Variants in PARP10 observed in about 807,000 individuals in gnomAD.
PARP10 encodes protein mono-ADP-ribosyltransferase PARP10.
Under a neutral mutation model 82.4 loss-of-function variants are expected in PARP10, and 56 were observed. That is an observed-to-expected ratio of 0.68 (90% CI 0.55 to 0.85). The LOEUF (loss-of-function observed/expected upper bound fraction) is 0.85, where lower values mean the gene tolerates loss of function less well. Among genes scored for constraint, PARP10 ranks in the 40% least tolerant of loss-of-function variants. The pLI is 0.00. For synonymous variants in PARP10, 576 were observed against 601.1 expected (o/e 0.96, Z 0.61); for missense variants, 1,227 against 1,379.4 (o/e 0.89, Z 1.75).
chr8:143,998,963 G>A lies in PARP10; in HGVS notation c.-79-12525C>T, dbSNP rs962972822. Among the ~76,000 whole-genome samples the A allele has an allele frequency of 4.2e-5, 6 of 144,330 alleles. No homozygotes were observed. The South Asian group carries it at 9.0e-4, about 22-fold the overall frequency. 94.7% of individuals were successfully genotyped at this position (144,330 alleles called of 152,430 possible). ...AGACCCTGTTTAAAAAAAAAAAAAA[G>A]AATCAAATCAAGCTTTTCTTTAATT... is the stretch of plus-strand genomic sequence containing the variant. On this transcript the variant is annotated intron_variant, in intron 1 of 3. Coordinates refer to the PARP10 transcript ENST00000530478.
intron 1 of PARP10, among the ~76,000 whole-genome samples, chr8:143,999,096 C>T (rs1408649441): frequency 1.3e-5 from 2 of 151,716 alleles, no homozygotes; most frequent in African/African-American, 4.9e-5. Flanking sequence ...TGCTGGAGTA[C>T]AGCGGCACAG....
chr8:143,991,057 G>T, upstream of PARP10: 1 of 501,038 alleles, frequency 2.0e-6, no homozygotes, highest in East Asian at 3.4e-5. Context: ...CCAGGCTCCG[G>T]GGCTCCCCAC....
rs1295182943 is a variant in PARP10 at position 143,982,980 on chromosome 8, G to C, written c.2508C>G (p.Ala836=). The change falls in exon 9 of 11, where the codon GCC becomes GCG. Residue 836 remains alanine, a synonymous_variant. Transcript: ENST00000313028. ...NTGEFQEVVR[A]FYDTLDAARS... The stretch of plus-strand genomic sequence containing the variant: ...GGGCAGCGTCCAGGGTGTCGTAGAA[G>C]GCCCGCACCACCTCCTGGAACTCCC... The C allele has an allele frequency of 6.2e-7, 1 of 1,613,860 alleles. No individual in the cohort carries two copies. Among genetic ancestry groups the C allele is most frequent in the Non-Finnish European group, 8.5e-7 (1 of 1,180,022 alleles).
upstream of PARP10, among the ~76,000 whole-genome samples, chr8:143,994,573 C>T (rs1362447568): frequency 2.0e-5 from 3 of 152,234 alleles, no homozygotes; most frequent in Non-Finnish European, 4.4e-5. Context: ...TGCCTCTCAG[C>T]CGGGGGCCCT....
rs1833957842 is a variant in PARP10 at position 143,985,217 on chromosome 8, C to T, written c.785G>A (p.Gly262Glu). The T allele has an allele frequency of 6.2e-7, 1 of 1,614,008 alleles. No individual in the cohort carries two copies. The highest frequency in any genetic ancestry group is 1.3e-5 in the African/African-American group (1 of 74,928). Residue 262 changes from glycine to glutamate, a missense_variant, in exon 5 of 11, where the codon GGG becomes GAG. Coordinates refer to ENST00000313028, the MANE Select transcript of PARP10 (RefSeq NM_032789.5). ...PEELAENTSG[G>E]DHPSTQGPRA... is the part of the protein sequence containing the mutation. Reference sequence around the variant, plus strand: ...AGGCCCCTGGGTGGACGGGTGGTCCCCTCCACTGGTGTTCTCAGCCAGCTC... The same window carrying T: ...AGGCCCCTGGGTGGACGGGTGGTCCTCTCCACTGGTGTTCTCAGCCAGCTC...
chr8:143,983,474 G>T lies in PARP10; in HGVS notation c.2115C>A (p.Gly705=). The T allele has an allele frequency of 6.2e-7, 1 of 1,606,982 alleles. No homozygotes were observed. Among genetic ancestry groups the T allele is most frequent in the African/African-American group, 1.3e-5 (1 of 74,948 alleles). ...CCGAGTGCACCACCAGCTGGGCCTT[G>T]CCATCAGTCCCCCCATCTGGGGGCT... ...AEEPPDGGTD[G]KAQLVVHSAF... is the part of the protein sequence containing the mutation. Residue 705 remains glycine, a synonymous_variant, in exon 8 of 11, where the codon GGC becomes GGA. Transcript: ENST00000313028.
chr8:143,984,713 A>T lies in PARP10; in HGVS notation c.1289T>A (p.Val430Glu). 1.2e-6 allele frequency: 2 copies of T among 1,613,690 alleles called. No individual in the cohort carries two copies. The highest frequency in any genetic ancestry group is 2.2e-5 in the South Asian group (2 of 91,060). The change falls in exon 5 of 11, where the codon GTG becomes GAG. Residue 430 changes from valine to glutamate, a missense_variant. By Grantham distance (121) the Val-to-Glu change is moderately radical (BLOSUM62 -2). Transcript: ENST00000313028. Reference sequence around the variant, plus strand: ...TGCCAGCTTCACACATCCTGGGCTCACAGGCCCTGCCTTCTCCAGAGACCC... The same window carrying T: ...TGCCAGCTTCACACATCCTGGGCTCTCAGGCCCTGCCTTCTCCAGAGACCC... ...TMGSLEKAGP[V>E]SPGCVKLAGQ...
chr8:143,992,363 T>C, upstream of PARP10: 1 of 1,601,434 alleles, frequency 6.2e-7, no homozygotes, highest in Non-Finnish European at 8.5e-7. Context: ...GTCGTCATCT[T>C]CTCCATGCAG....
chr8:144,006,542 A>C lies in PARP10; in HGVS notation c.-80+5988T>G, dbSNP rs144327357. 2.6e-4 allele frequency among the ~76,000 whole-genome samples: 39 copies of C among 152,344 alleles called. 2 individuals carry two copies. In the East Asian group the frequency reaches 7.5e-3, roughly 29 times the overall value. ...AAGCGGAGTCTGAAGGAAGAGTAGG[A>C]ATTAACCAAAGTTTGGGGTCAGGGA... On this transcript the variant is annotated intron_variant, in intron 1 of 3. Coordinates refer to the PARP10 transcript ENST00000530478.
intron 1 of PARP10, among the ~76,000 whole-genome samples, chr8:144,004,438 G>A (rs945066392): frequency 5.9e-5 from 9 of 152,168 alleles, no homozygotes; most frequent in Non-Finnish European, 1.2e-4. Flanking sequence ...CCTACCAGAT[G>A]TCCTCTGACC....
At chr8:143,994,397 A>G (rs1176554207), upstream of PARP10, among the ~76,000 whole-genome samples, 1 of 151,694 alleles carries the variant, frequency 6.6e-6, no homozygotes, top group Non-Finnish European at 1.5e-5. Flanking sequence ...GCCCTCCACC[A>G]GGACCCTAGC....
At chr8:143,981,257 A>G (rs901637054) in intron 9 of PARP10, among the ~76,000 whole-genome samples, 9 of 151,972 alleles carry the variant, frequency 5.9e-5, no homozygotes, top group Non-Finnish European at 5.9e-5. Flanking sequence ...TGACGGTGAC[A>G]GTGGTGATGC....
intron 9 of PARP10, among the ~76,000 whole-genome samples, chr8:143,978,529 T>C (rs1833772065): frequency 6.6e-6 from 1 of 152,026 alleles, no homozygotes; most frequent in Non-Finnish European, 1.5e-5. Context: ...CTTCAGAGAG[T>C]TGCAAAAGAA....
At chr8:144,010,019 T>C (rs782258599) in intron 1 of PARP10, among the ~76,000 whole-genome samples, 16 of 152,056 alleles carry the variant, frequency 1.1e-4, no homozygotes, top group Non-Finnish European at 1.6e-4. Context: ...TCAATCAAGA[T>C]CACAGCCACA....
chr8:144,003,236 A>G (rs1564261320), intron 1 of PARP10, among the ~76,000 whole-genome samples: 3 of 152,114 alleles, frequency 2.0e-5, no homozygotes, highest in African/African-American at 7.2e-5. Flanking sequence ...CAGCCTGGCC[A>G]ATAAGGTGAA....
upstream of PARP10, chr8:143,991,410 C>T (rs1275453029): frequency 6.3e-6 from 8 of 1,272,298 alleles, no homozygotes; most frequent in Admixed American, 1.4e-4. Flanking sequence ...TGGCCCCAGC[C>T]CCTACCCCCA....
intron 9 of PARP10, among the ~76,000 whole-genome samples, chr8:143,979,216 G>T (rs1343483421): frequency 6.6e-6 from 1 of 151,614 alleles, no homozygotes; most frequent in African/African-American, 2.4e-5. Context: ...CTCGTGATCC[G>T]CCCGCCTCAG....
At position 143,977,693 on chromosome 8, in the gene PARP10, G is replaced by C. The variant is rs1206340082; in HGVS notation, c.2869C>G (p.Arg957Gly). 2 of 1,591,876 alleles carry C rather than the reference G, an allele frequency of 1.3e-6. No individual in the cohort carries two copies. The highest frequency in any genetic ancestry group is 1.1e-5 in the South Asian group (1 of 88,268). ...AGAGGGGGCGCCCGCAGACCGCGGC[G>C]GCCCTGCCCGTAGTCGCCAGTCAGC... is the stretch of plus-strand genomic sequence containing the variant. ...RVLTGDYGQGRRGLRAPPLRG... is the reference protein window; with the variant it reads ...RVLTGDYGQGGRGLRAPPLRG... Residue 957 changes from arginine (R) to glycine (G), a missense_variant, in exon 11 of 11, where the codon CGC becomes GGC. By Grantham distance (125) the Arg-to-Gly change is moderately radical. Coordinates refer to ENST00000313028, the MANE Select transcript of PARP10 (RefSeq NM_032789.5).
chr8:143,982,623 G>A (rs187306694), intron 9 of PARP10, among the ~76,000 whole-genome samples: 162 of 152,274 alleles, frequency 1.1e-3, no homozygotes, highest in African/African-American at 3.6e-3. Flanking sequence ...TGGCATCACC[G>A]CCCCATGCTC....
Sources: allele counts gnomAD v4.1 joint callset (sites outside exome capture counted in the v4.1 genomes callset), GRCh38; gene constraint gnomAD v4.1.1; transcripts MANE v1.5; gene names NCBI Gene and HGNC (gene_info 2026-07-23, HGNC 2026-07-21).